Variants in OCA2 observed in about 807,000 individuals in gnomAD.
The protein encoded by OCA2 is OCA2 melanosomal transmembrane protein.
A neutral mutation model predicts 100.2 loss-of-function variants in OCA2; 77 were observed. The observed-to-expected ratio is 0.77, with a 90% CI of 0.64 to 0.93. The LOEUF (loss-of-function observed/expected upper bound fraction) is 0.93, where lower values mean the gene tolerates loss of function less well. Among genes scored for constraint, OCA2 ranks in the 40% least tolerant of loss-of-function variants. OCA2 has a pLI of 0.00. For missense variants in OCA2, 1,062 were observed against 1,089.1 expected, an observed-to-expected ratio of 0.98 and a Z score of 0.35; for synonymous variants, 432 against 439.2, an observed-to-expected ratio of 0.98 and a Z score of 0.21.
intron 23 of OCA2, among the ~76,000 whole-genome samples, chr15:27,815,624 G>A (rs1200105938): frequency 6.6e-6 from 1 of 152,108 alleles, no homozygotes; most frequent in Non-Finnish European, 1.5e-5. Flanking sequence ...CAAGAGTCTA[G>A]ACAACACTTA....
intron 19 of OCA2, among the ~76,000 whole-genome samples, chr15:27,892,329 G>A (rs760365037): frequency 2.3e-4 from 35 of 151,676 alleles, no homozygotes; most frequent in African/African-American, 6.5e-4. Context: ...AAAAAATTCC[G>A]CAAATGTAAA....
chr15:28,037,344 TTGGAGATCAGC>T (rs1252232339), intron 2 of OCA2, among the ~76,000 whole-genome samples: 1 of 151,932 alleles, frequency 6.6e-6, no homozygotes. Context: ...GTTGGTAACA[TTGGAGATCAGC>T]TGTGGGAAAA....
At chr15:27,808,670 A>G (rs556404343) in intron 23 of OCA2, among the ~76,000 whole-genome samples, 1 of 152,270 alleles carries the variant, frequency 6.6e-6, no homozygotes, top group African/African-American at 2.4e-5. Context: ...GCAGGCTATG[A>G]AGGATGGGTA....
chr15:27,926,274 C>T lies in OCA2; in HGVS notation c.1952-20G>A. 1 of 1,613,762 alleles carries T rather than the reference C, an allele frequency of 6.2e-7. No homozygotes were observed. Reference sequence around the variant, plus strand: ...TCCATCCTGAAAATAAGTAAATAGACATAGAGATATAGTTCCACTGTTAAC... The same window carrying T: ...TCCATCCTGAAAATAAGTAAATAGATATAGAGATATAGTTCCACTGTTAAC... On this transcript the variant is annotated intron_variant, in intron 18 of 23. Transcript: ENST00000354638.
At chr15:27,749,465 A>G in the OCA2 span, among the ~76,000 whole-genome samples, 1 of 152,220 alleles carries the variant, frequency 6.6e-6, no homozygotes, top group Non-Finnish European at 1.5e-5. Context: ...TGAATGGCCA[A>G]ATTCTTTCTT....
chr15:27,988,768 G>A (rs1232697591), intron 11 of OCA2, among the ~76,000 whole-genome samples: 1 of 152,014 alleles, frequency 6.6e-6, no homozygotes, highest in African/African-American at 2.4e-5. Flanking sequence ...CTCTGTATAC[G>A]TCTCAGGCCC....
rs573817626 is a variant in OCA2 at position 27,822,182 on chromosome 15, C to T, written c.2432+22777G>A. 2.0e-5 allele frequency among the ~76,000 whole-genome samples: 3 copies of T among 152,288 alleles called. No homozygotes were observed. In the East Asian group the frequency reaches 5.8e-4, roughly 29 times the overall value. ...TAATATCACTAGAACCCAGAGTCCC[C>T]TCATGAGTCCCCTAATTCTCACACT... On this transcript the variant is annotated intron_variant, in intron 23 of 23. Transcript: ENST00000354638.
chr15:28,083,473 A>G (rs970018578), intron 1 of OCA2, among the ~76,000 whole-genome samples: 10 of 152,210 alleles, frequency 6.6e-5, no homozygotes, highest in Admixed American at 1.3e-4. Context: ...TTGTATCATA[A>G]AAGTGAGATA....
At chr15:27,931,746 A>C (rs569720455) in intron 18 of OCA2, among the ~76,000 whole-genome samples, 71 of 152,364 alleles carry the variant, frequency 4.7e-4, no homozygotes, top group African/African-American at 1.6e-3. Flanking sequence ...TATTTTCTGG[A>C]AAACAATGAC....
At chr15:28,019,984 C>T (rs1370612335) in intron 6 of OCA2, among the ~76,000 whole-genome samples, 1 of 152,202 alleles carries the variant, frequency 6.6e-6, no homozygotes, top group Non-Finnish European at 1.5e-5. Flanking sequence ...AACCCCTCAT[C>T]GTGGCTGGTG....
At chr15:28,025,003 T>C (rs2042707086) in intron 4 of OCA2, 101 bp from the exon 5 acceptor site, 1 of 1,090,698 alleles carries the variant, frequency 9.2e-7, no homozygotes, top group Non-Finnish European at 1.4e-6. Context: ...TCTCAAAGCA[T>C]GTGTTTTGAA....
chr15:28,014,756 G>A lies in OCA2; in HGVS notation c.1044+20C>T. On this transcript the variant is annotated intron_variant, in intron 9 of 23. Transcript: ENST00000354638. ...TGACTGTGGGCCCAGACAGATCGGG[G>A]GAGCAGGTGTGAAAGTTACCTCAAA... 3 of 1,609,766 alleles carry A rather than the reference G, an allele frequency of 1.9e-6. No individual in the cohort carries two copies. The highest frequency in any genetic ancestry group is 1.1e-5 in the South Asian group (1 of 90,892).
intron 9 of OCA2, among the ~76,000 whole-genome samples, chr15:28,013,964 A>G (rs145964844): frequency 0.013 from 2,045 of 152,276 alleles, 42 homozygotes; most frequent in African/African-American, 0.047. Context: ...TACTGGGGTC[A>G]TCATTCCTCA....
rs184166936 is a variant in OCA2 at position 27,788,380 on chromosome 15, A to G, written c.2433-32908T>C. 8.5e-3 allele frequency among the ~76,000 whole-genome samples: 1,298 copies of G among 152,178 alleles called. 10 individuals carry two copies. Among genetic ancestry groups the G allele is most frequent in the Middle Eastern group, 0.024 (7 of 294 alleles). On this transcript the variant is annotated intron_variant, in intron 23 of 23. Coordinates refer to ENST00000354638, the MANE Select transcript of OCA2 (RefSeq NM_000275.3). ...ACATTTAGGGATTTTGTTCTTAGGT[A>G]TATGTATATGAACAGTTGTTATATC...
chr15:28,013,610 G>A (rs576539935), intron 9 of OCA2, among the ~76,000 whole-genome samples: 2 of 152,126 alleles, frequency 1.3e-5, no homozygotes, highest in Non-Finnish European at 2.9e-5. Context: ...CAGAAACACC[G>A]CATATGGCTG....
In OCA2 at chr15:27,965,953, C is replaced by CTGTTTGTTTGTT. The variant is rs112228806; in HGVS notation, c.1636+725_1636+736dup. 2.9e-3 allele frequency among the ~76,000 whole-genome samples: 440 copies of CTGTTTGTTTGTT among 150,924 alleles called. 2 individuals are homozygous for CTGTTTGTTTGTT. Among genetic ancestry groups the CTGTTTGTTTGTT allele is most frequent in the African/African-American group, 9.7e-3 (400 of 41,058 alleles). ...CCTGCTGGCTGGTGCTCAGCATCTGCTGTTTGTTTGTTTGTTTGTTTGTTT... is the reference window on the plus strand; with the variant it reads ...CCTGCTGGCTGGTGCTCAGCATCTGCTGTTTGTTTGTTTGTTTGTTTGTTTGTTTGTTTGTTT... On this transcript the variant is annotated intron_variant, in intron 15 of 23. Transcript: ENST00000354638.
chr15:27,954,878 T>C (rs1008180017), intron 17 of OCA2, among the ~76,000 whole-genome samples: 13 of 152,170 alleles, frequency 8.5e-5, no homozygotes, highest in African/African-American at 3.1e-4. Flanking sequence ...AGCGGGCTGG[T>C]GGTCAGGGAC....
chr15:27,990,415 C>T (rs75737140), intron 10 of OCA2, among the ~76,000 whole-genome samples, 161 bp downstream of exon 10: 131 of 152,328 alleles, frequency 8.6e-4, no homozygotes, highest in African/African-American at 2.9e-3. Context: ...CTCTTCAATG[C>T]TGTAGCTTGT....
intron 4 of OCA2, among the ~76,000 whole-genome samples, chr15:28,026,435 C>A (rs2042749073): frequency 6.6e-6 from 1 of 152,204 alleles, no homozygotes; most frequent in African/African-American, 2.4e-5. Flanking sequence ...TCACCCAACT[C>A]ACATAATCTC....
Sources: allele counts gnomAD v4.1 joint callset (sites outside exome capture counted in the v4.1 genomes callset), GRCh38; gene constraint gnomAD v4.1.1; transcripts MANE v1.5; gene names NCBI Gene and HGNC (gene_info 2026-07-23, HGNC 2026-07-21).